Variants in TAF12 observed in about 807,000 individuals in gnomAD.
TAF12 encodes the protein TATA-box binding protein associated factor 12.
Under a neutral mutation model 20.8 loss-of-function variants are expected in TAF12, and 3 were observed. The ratio of observed to expected loss-of-function variants is 0.14; its 90% CI spans 0.07 to 0.37. TAF12 has a LOEUF of 0.37. TAF12 is among the 10% of genes least tolerant of loss of function. The pLI is 1.00. For missense variants in TAF12, 131 were observed against 197.9 expected, an observed-to-expected ratio of 0.66 and a Z score of 2.03; for synonymous variants, 69 against 70.2, an observed-to-expected ratio of 0.98 and a Z score of 0.09.
intron 5 of TAF12, 81 bp from the exon 6 acceptor site, chr1:28,603,655 G>T: frequency 6.8e-7 from 1 of 1,463,536 alleles, no homozygotes; most frequent in Non-Finnish European, 9.6e-7. Flanking sequence ...TGGCTAGCAG[G>T]CCTCATGGTC....
intron 1 of TAF12, among the ~76,000 whole-genome samples, chr1:28,633,330 C>T (rs941623602): frequency 6.6e-6 from 1 of 150,532 alleles, no homozygotes; most frequent in African/African-American, 2.4e-5. Flanking sequence ...CCATGCTGGG[C>T]TAATTTTTGC....
intron 3 of TAF12, 136 bp downstream of exon 3, chr1:28,617,817 C>T (rs1667091409): frequency 4.6e-6 from 4 of 862,256 alleles, no homozygotes; most frequent in Non-Finnish European, 7.7e-6. Context: ...GGTCTTGAAC[C>T]TCTGGGTTCC....
chr1:28,605,028 G>GGT (rs1666617709), intron 5 of TAF12, among the ~76,000 whole-genome samples: 1 of 152,124 alleles, frequency 6.6e-6, no homozygotes, highest in African/African-American at 2.4e-5. Flanking sequence ...GACCATATAT[G>GGT]GTGTTGCAAT....
intron 1 of TAF12, among the ~76,000 whole-genome samples, chr1:28,640,493 A>G (rs1401999489): frequency 2.6e-5 from 4 of 152,220 alleles, no homozygotes; most frequent in Non-Finnish European, 5.9e-5. Context: ...CAGGCAAAGT[A>G]ACCTCTCTAA....
chr1:28,640,810 G>T (rs986460161), intron 1 of TAF12, among the ~76,000 whole-genome samples: 1 of 152,134 alleles, frequency 6.6e-6, no homozygotes, highest in Non-Finnish European at 1.5e-5. Context: ...CAGGTGCAGT[G>T]GCTCATGCCT....
intron 1 of TAF12, among the ~76,000 whole-genome samples, chr1:28,638,257 T>C (rs1440857168): frequency 6.6e-6 from 1 of 151,812 alleles, no homozygotes; most frequent in African/African-American, 2.4e-5. Context: ...AGGGGCAATC[T>C]CAGTTCACCA....
At chr1:28,644,050 C>CAA (rs754009751), upstream of TAF12, among the ~76,000 whole-genome samples, 14 of 94,728 alleles carry the variant, frequency 1.5e-4, no homozygotes, top group African/African-American at 3.4e-4. Context: ...GACTCTGTCT[C>CAA]AAAAAAAAAA....
At chr1:28,622,360 GAAAAAAAAA>G (rs1033224931) in intron 1 of TAF12, among the ~76,000 whole-genome samples, 195 bp from the exon 2 acceptor site, 1 of 78,004 alleles carries the variant, frequency 1.3e-5, no homozygotes, top group Non-Finnish European at 2.6e-5. Context: ...TCTCTACCAA[GAAAAAAAAA>G]AAAAAAAAAA....
chr1:28,629,618 G>A (rs1667550850), intron 1 of TAF12, among the ~76,000 whole-genome samples: 1 of 152,026 alleles, frequency 6.6e-6, no homozygotes, highest in Non-Finnish European at 1.5e-5. Context: ...TTACAGGCGT[G>A]AGCCACTGCA....
chr1:28,613,417 T>G (rs935263489), intron 3 of TAF12, 56 bp from the exon 4 acceptor site: 4 of 1,446,544 alleles, frequency 2.8e-6, no homozygotes, highest in Non-Finnish European at 3.8e-6. Context: ...AGGCTCCTGT[T>G]GCTGGGACAA....
At chr1:28,639,628 G>C (rs188480931) in intron 1 of TAF12, among the ~76,000 whole-genome samples, 31 of 152,140 alleles carry the variant, frequency 2.0e-4, no homozygotes, top group African/African-American at 7.0e-4. Flanking sequence ...AAACCATCAA[G>C]TACTTTGAAG....
chr1:28,619,776 C>A (rs928341457), intron 2 of TAF12, among the ~76,000 whole-genome samples: 20 of 150,280 alleles, frequency 1.3e-4, no homozygotes, highest in African/African-American at 4.4e-4. Context: ...CATGGCGAAA[C>A]CCTGTCTCTA....
chr1:28,616,244 A>C (rs1360057294), intron 3 of TAF12, among the ~76,000 whole-genome samples: 1 of 151,592 alleles, frequency 6.6e-6, no homozygotes, highest in Non-Finnish European at 1.5e-5. Flanking sequence ...TAAAAATACG[A>C]AATTAGTCAG....
At chr1:28,623,434 T>C (rs1570316677) in intron 1 of TAF12, among the ~76,000 whole-genome samples, 1 of 151,874 alleles carries the variant, frequency 6.6e-6, no homozygotes, top group African/African-American at 2.4e-5. Flanking sequence ...GGCAGAAGAA[T>C]TGCTTGAACT....
intron 1 of TAF12, among the ~76,000 whole-genome samples, chr1:28,628,109 A>T (rs1325443105): frequency 3.9e-5 from 6 of 151,914 alleles, no homozygotes; most frequent in Admixed American, 1.3e-4. Flanking sequence ...AAAACACTGT[A>T]CTACTAGATA....
At chr1:28,609,438 G>C (rs1666781606) in intron 4 of TAF12, among the ~76,000 whole-genome samples, 1 of 151,892 alleles carries the variant, frequency 6.6e-6, no homozygotes, top group South Asian at 2.1e-4. Flanking sequence ...TAAATGCATG[G>C]TCAAAGCAAC....
At position 28,621,957 on chromosome 1, in the gene TAF12, C is replaced by G; in HGVS notation, c.125G>C (p.Gly42Ala). The G allele has an allele frequency of 6.2e-7, 1 of 1,613,732 alleles. No individual in the cohort carries two copies. Among genetic ancestry groups the G allele is most frequent in the Non-Finnish European group, 8.5e-7 (1 of 1,179,946 alleles). Residue 42 changes from glycine (G) to alanine (A), a missense_variant, in exon 2 of 6, where the codon GGC becomes GCC. Gly to Ala is a moderately conservative substitution (Grantham distance 60). This residue lies in a region of TAF12 where 63 missense variants were observed against 72.1 expected (regional missense o/e 0.87). Transcript: ENST00000373824. The stretch of plus-strand genomic sequence containing the variant: ...AAGACGACCTCCTGCCCCAGGAGTG[C>G]CTGGTATCTTTACCACTGCAGTACT... The part of the protein sequence containing the change: ...ANSTAVVKIP[G>A]TPGAGGRLSP...
At chr1:28,647,288 T>G (rs949791706), upstream of TAF12, among the ~76,000 whole-genome samples, 3 of 131,154 alleles carry the variant, frequency 2.3e-5, no homozygotes, top group Non-Finnish European at 3.6e-5. Context: ...TCACATATTG[T>G]TTTTTTTTTA....
intron 1 of TAF12, among the ~76,000 whole-genome samples, chr1:28,639,181 C>T (rs1667948217): frequency 6.6e-6 from 1 of 151,550 alleles, no homozygotes; most frequent in Non-Finnish European, 1.5e-5. Flanking sequence ...TTCTGGGAGG[C>T]CGAGGCAGGC....
Sources: allele counts gnomAD v4.1 joint callset (sites outside exome capture counted in the v4.1 genomes callset), GRCh38; gene constraint gnomAD v4.1.1; regional missense constraint gnomAD v4.1.1; transcripts MANE v1.5; gene names NCBI Gene and HGNC (gene_info 2026-07-23, HGNC 2026-07-21).